Variants in KCNQ5 observed in about 807,000 individuals in gnomAD.
KCNQ5 encodes potassium voltage-gated channel subfamily KQT member 5.
KCNQ5 carries 30 observed loss-of-function variants against 98.2 expected under a neutral mutation model. That is an observed-to-expected ratio of 0.31 (90% confidence interval 0.23 to 0.41). The LOEUF (loss-of-function observed/expected upper bound fraction) is 0.41. Ranked by LOEUF, KCNQ5 falls within the 10% of genes least tolerant of loss-of-function variation. KCNQ5 has a pLI of 1.00. For missense variants in KCNQ5, 835 were observed against 1,182.5 expected, an observed-to-expected ratio of 0.71 and a Z score of 4.31; for synonymous variants, 458 against 449.4, an observed-to-expected ratio of 1.02 and a Z score of -0.24.
At chr6:72,843,796 A>G (rs1776906603) in intron 1 of KCNQ5, among the ~76,000 whole-genome samples, 1 of 152,246 alleles carries the variant, frequency 6.6e-6, no homozygotes, top group South Asian at 2.1e-4. Context: ...CCAAATGCCC[A>G]TCAATGATAG....
chr6:72,668,852 G>A (rs1428563840), intron 1 of KCNQ5, among the ~76,000 whole-genome samples: 1 of 151,716 alleles, frequency 6.6e-6, no homozygotes, highest in African/African-American at 2.4e-5. Flanking sequence ...GAAACTTCCA[G>A]CCTTCTTAGA....
intron 1 of KCNQ5, among the ~76,000 whole-genome samples, chr6:72,984,516 C>A (rs1768650332): frequency 6.6e-6 from 1 of 152,230 alleles, no homozygotes; most frequent in Non-Finnish European, 1.5e-5. Flanking sequence ...ACCCATCGAG[C>A]CAGACATGGG....
Position 73,104,583 on chromosome 6 carries a change from C to A in KCNQ5, c.919-674C>A, listed in dbSNP as rs114001101. Among the ~76,000 whole-genome samples, 454 of 152,260 alleles carry A rather than the reference C, an allele frequency of 3.0e-3. 3 individuals are homozygous for A. Among genetic ancestry groups the A allele is most frequent in the African/African-American group, 0.011 (438 of 41,542 alleles). On this transcript the variant is annotated intron_variant, in intron 5 of 13. Transcript: ENST00000370398. ...CTCCTCCCTAGATCACCTTCTTTAT[C>A]ATTTCTGCTTCTCAAAATGTTACCC...
chr6:73,179,023 G>T (rs911226644), intron 11 of KCNQ5, among the ~76,000 whole-genome samples: 2 of 152,128 alleles, frequency 1.3e-5, no homozygotes, highest in Non-Finnish European at 2.9e-5. Context: ...GTGATCAAAA[G>T]GCTCTGGGTC....
intron 1 of KCNQ5, among the ~76,000 whole-genome samples, chr6:72,625,948 T>C (rs902594908): frequency 6.6e-6 from 1 of 152,248 alleles, no homozygotes; most frequent in South Asian, 2.1e-4. Context: ...TGCTCTAACA[T>C]CATAGTATTG....
intron 9 of KCNQ5, among the ~76,000 whole-genome samples, chr6:73,127,879 A>G (rs1776053588): frequency 2.0e-5 from 3 of 152,156 alleles, no homozygotes; most frequent in African/African-American, 7.2e-5. Context: ...CCTGGCCAAC[A>G]TATTGTGAAA....
chr6:72,944,723 C>G (rs1273439388), intron 1 of KCNQ5, among the ~76,000 whole-genome samples: 1 of 152,194 alleles, frequency 6.6e-6, no homozygotes, highest in Non-Finnish European at 1.5e-5. Flanking sequence ...TCTGAAAAAC[C>G]TGCCACCAAC....
chr6:73,030,520 G>A (rs1404537294), intron 2 of KCNQ5, among the ~76,000 whole-genome samples: 2 of 152,160 alleles, frequency 1.3e-5, no homozygotes, highest in Non-Finnish European at 2.9e-5. Context: ...CACATACTTT[G>A]GTAATGGGAA....
chr6:72,746,798 A>G (rs747153111), intron 1 of KCNQ5, among the ~76,000 whole-genome samples: 6 of 152,214 alleles, frequency 3.9e-5, no homozygotes, highest in Non-Finnish European at 8.8e-5. Context: ...CAAGAACATT[A>G]ACATTAACAA....
rs1554186016 is a variant in KCNQ5 at position 72,922,810 on chromosome 6, C to CTTTTTCTTTTTTT, written c.399-81093_399-81092insCTTTTTTTTTTTT. On this transcript the variant is annotated intron_variant, in intron 1 of 13. Transcript: ENST00000370398. ...CCTTTCTTTCTTTCTTTTTCTTTTT[C>CTTTTTCTTTTTTT]TTTTTTTTTTTTTTTTTTTGAGATG... 6.3e-3 allele frequency among the ~76,000 whole-genome samples: 659 copies of CTTTTTCTTTTTTT among 103,872 alleles called. 1 individual carries two copies. The highest frequency in any genetic ancestry group is 8.3e-3 in the Non-Finnish European group (429 of 51,902). 68.1% of individuals were successfully genotyped at this position (103,872 alleles called of 152,430 possible). A position where few individuals can be genotyped will look rare whatever the true frequency, so the allele number is the denominator to read the frequency against.
intron 1 of KCNQ5, among the ~76,000 whole-genome samples, chr6:72,884,838 G>T (rs1778790205): frequency 6.6e-6 from 1 of 152,006 alleles, no homozygotes; most frequent in African/African-American, 2.4e-5. Context: ...GGCTGGTCCT[G>T]AACTCCTGAG....
At chr6:73,120,270 A>G (rs1372620508) in intron 7 of KCNQ5, among the ~76,000 whole-genome samples, 3 of 152,054 alleles carry the variant, frequency 2.0e-5, no homozygotes, top group African/African-American at 7.2e-5. Flanking sequence ...ATAAAATAAA[A>G]TAAAATAAAA....
chr6:72,856,462 A>G (rs1777535000), intron 1 of KCNQ5, among the ~76,000 whole-genome samples: 1 of 62,140 alleles, frequency 1.6e-5, no homozygotes. Context: ...ACACACACAC[A>G]CACATATATA....
At chr6:72,648,847 C>T (rs964358078) in intron 1 of KCNQ5, among the ~76,000 whole-genome samples, 40 of 149,478 alleles carry the variant, frequency 2.7e-4, no homozygotes, top group Non-Finnish European at 5.6e-4. Context: ...GAAAAGCCTA[C>T]GTGTGTTTAT....
At chr6:73,037,187 A>G (rs76025043) in intron 2 of KCNQ5, among the ~76,000 whole-genome samples, 2,613 of 152,184 alleles carry the variant, frequency 0.017, 71 homozygotes, top group African/African-American at 0.059. Flanking sequence ...TATCCTATTT[A>G]TACCTTTGCC....
chr6:73,129,883 G>A, intron 9 of KCNQ5: 1 of 1,579,460 alleles, frequency 6.3e-7, no homozygotes, highest in Non-Finnish European at 8.7e-7. Flanking sequence ...CATGAGATTT[G>A]AGAATGCCAA....
At chr6:72,812,229 T>C (rs9446760) in intron 1 of KCNQ5, among the ~76,000 whole-genome samples, 112,916 of 152,022 alleles carry the variant, frequency 0.74, 43,098 homozygotes, top group African/African-American at 0.94. Context: ...CTTATGATAC[T>C]AGTCCTGCCG....
intron 1 of KCNQ5, among the ~76,000 whole-genome samples, chr6:72,627,885 C>T (rs2098918791): frequency 6.6e-6 from 1 of 152,194 alleles, no homozygotes; most frequent in Non-Finnish European, 1.5e-5. Flanking sequence ...TCAAAGATCA[C>T]TTCCTCTTGG....
chr6:73,049,317 T>G (rs1772109792), intron 3 of KCNQ5, among the ~76,000 whole-genome samples: 1 of 152,196 alleles, frequency 6.6e-6, no homozygotes, highest in African/African-American at 2.4e-5. Context: ...AATACATCTT[T>G]AGTTCTTCAA....
Sources: gnomAD v4.1 joint callset for allele counts (sites outside exome capture counted in the v4.1 genomes callset) on GRCh38, gnomAD v4.1.1 for gene constraint, MANE v1.5 for transcripts, NCBI Gene and HGNC (gene_info 2026-07-23, HGNC 2026-07-21) for gene names.